Variants in NCKAP5 observed in about 807,000 individuals in gnomAD.
The protein encoded by NCKAP5 is nck-associated protein 5.
In NCKAP5, 92 loss-of-function variants were observed where a neutral mutation model predicts 167.0. The observed-to-expected ratio is 0.55, with a 90% CI of 0.47 to 0.66. The LOEUF (loss-of-function observed/expected upper bound fraction) is 0.66, where lower values mean the gene tolerates loss of function less well. NCKAP5 is among the 30% of genes least tolerant of loss of function. NCKAP5 has a pLI of 0.00. For synonymous variants in NCKAP5, 891 were observed against 877.4 expected, an observed-to-expected ratio of 1.02 and a Z score of -0.27; for missense variants, 2,378 against 2,315.0, an observed-to-expected ratio of 1.03 and a Z score of -0.56.
the NCKAP5 span, among the ~76,000 whole-genome samples, chr2:133,609,602 G>C: frequency 2.6e-5 from 4 of 152,026 alleles, no homozygotes; most frequent in African/African-American, 9.7e-5. Flanking sequence ...GAGCAAAGTT[G>C]AGCTTGTGGC....
At chr2:133,344,302 G>A (rs866992973) in intron 3 of NCKAP5, among the ~76,000 whole-genome samples, 1 of 151,382 alleles carries the variant, frequency 6.6e-6, no homozygotes. Flanking sequence ...CAGCTACCCA[G>A]AAGGCTGAGG....
intron 8 of NCKAP5, among the ~76,000 whole-genome samples, chr2:132,933,874 A>G (rs577262359): frequency 6.6e-6 from 1 of 152,224 alleles, no homozygotes; most frequent in Non-Finnish European, 1.5e-5. Context: ...CTACAACAAT[A>G]GCTCTAATTT....
chr2:133,528,775 T>C (rs896850562), intron 2 of NCKAP5, among the ~76,000 whole-genome samples: 7 of 152,194 alleles, frequency 4.6e-5, no homozygotes, highest in Admixed American at 4.6e-4. Context: ...GTTTAAATGA[T>C]GCCTTCCCGG....
intron 3 of NCKAP5, among the ~76,000 whole-genome samples, chr2:133,360,923 T>G (rs1303413500): frequency 1.3e-5 from 2 of 151,350 alleles, no homozygotes. Context: ...AATACATGGT[T>G]TGAAAGTCTT....
intron 3 of NCKAP5, among the ~76,000 whole-genome samples, chr2:133,507,205 C>A (rs138700154): frequency 5.8e-4 from 88 of 152,308 alleles, no homozygotes; most frequent in Non-Finnish European, 1.1e-3. Context: ...CACTCCATCT[C>A]CAAAAACGGC....
rs114284944 is a variant in NCKAP5 at position 133,144,832 on chromosome 2, G to A, written c.208-14721C>T. On this transcript the variant is annotated intron_variant, in intron 5 of 19. Transcript: ENST00000409261. ...CAGAGTTCCTCCCACTGGAGGGAGA[G>A]CAGAGGCTCTGCAGTCACTCGCTGC... Among the ~76,000 whole-genome samples the A allele has an allele frequency of 7.9e-3, 1,204 of 152,270 alleles. 18 individuals are homozygous for A. The highest frequency in any genetic ancestry group is 0.028 in the African/African-American group (1,146 of 41,560).
At chr2:133,652,808 A>C in the NCKAP5 span, among the ~76,000 whole-genome samples, 2 of 127,294 alleles carry the variant, frequency 1.6e-5, no homozygotes, top group Non-Finnish European at 3.5e-5. Context: ...AGTTTAGTTG[A>C]CTGCATGAAG....
At chr2:133,652,808 A>G in the NCKAP5 span, among the ~76,000 whole-genome samples, 1 of 127,294 alleles carries the variant, frequency 7.9e-6, no homozygotes. Flanking sequence ...AGTTTAGTTG[A>G]CTGCATGAAG....
chr2:133,361,508 G>T (rs917838379), intron 3 of NCKAP5, among the ~76,000 whole-genome samples: 1 of 152,196 alleles, frequency 6.6e-6, no homozygotes, highest in Non-Finnish European at 1.5e-5. Flanking sequence ...AAATGTATTA[G>T]TGAACAACTT....
At chr2:132,690,184 G>T (rs1395669012) in intron 19 of NCKAP5, among the ~76,000 whole-genome samples, 1 of 152,158 alleles carries the variant, frequency 6.6e-6, no homozygotes, top group South Asian at 2.1e-4. Flanking sequence ...GTCTGTGTGG[G>T]TTTTCTCCAG....
chr2:133,605,190 G>T, the NCKAP5 span, among the ~76,000 whole-genome samples: 2 of 152,174 alleles, frequency 1.3e-5, no homozygotes, highest in Non-Finnish European at 2.9e-5. Context: ...TCTTAAGCCT[G>T]ATTCTCTCAG....
Position 132,784,021 on chromosome 2 carries a change from C to T in NCKAP5, c.2790G>A (p.Pro930=), listed in dbSNP as rs368682818. ...PEAGVKSPSP[P]PPPGRSVSLL... ...GGGAGACGGACCTGCCTGGAGGGGG[C>T]GGAGGGGAAGGGGATTTCACCCCTG... The change falls in exon 14 of 20, where the codon CCG becomes CCA. Residue 930 remains proline (P), a synonymous_variant. Transcript: ENST00000409261. The T allele has an allele frequency of 1.5e-4, 234 of 1,563,646 alleles. No homozygotes were observed. Among genetic ancestry groups the T allele is most frequent in the South Asian group, 3.4e-4 (28 of 82,870 alleles).
intron 5 of NCKAP5, among the ~76,000 whole-genome samples, chr2:133,166,020 G>C (rs533700239): frequency 1.3e-5 from 2 of 152,078 alleles, no homozygotes; most frequent in Non-Finnish European, 2.9e-5. Context: ...TGTGGTCTTT[G>C]TTTTCAGGGA....
chr2:133,413,195 G>A (rs1688884441), intron 3 of NCKAP5, among the ~76,000 whole-genome samples: 1 of 152,198 alleles, frequency 6.6e-6, no homozygotes, highest in Non-Finnish European at 1.5e-5. Flanking sequence ...AGGCACATGG[G>A]GACTAGTATG....
At chr2:132,828,781 G>A (rs1347927205) in intron 11 of NCKAP5, among the ~76,000 whole-genome samples, 1 of 152,126 alleles carries the variant, frequency 6.6e-6, no homozygotes, top group East Asian at 1.9e-4. Context: ...GCTTCCACAG[G>A]TAGCTCAGCA....
rs188424330 is a variant in NCKAP5, at chr2:133,169,086, T to C, written c.208-38975A>G. ...TAAGGGGGACTATACAGGAAAAATA[T>C]ACCAGCATCTGTCAGTAGCAGTGAA... On this transcript the variant is annotated intron_variant, in intron 5 of 19. Coordinates refer to ENST00000409261, the MANE Select transcript of NCKAP5 (RefSeq NM_207363.3). Among the ~76,000 whole-genome samples, 3 of 152,334 alleles carry C rather than the reference T, an allele frequency of 2.0e-5. No homozygotes were observed. In the East Asian group the frequency reaches 5.8e-4, roughly 29 times the overall value.
rs112089954 is a variant in NCKAP5 at position 132,750,278 on chromosome 2, T to C, written c.5129-18227A>G. On this transcript the variant is annotated intron_variant, in intron 16 of 19. Transcript: ENST00000409261. ...CTTGACAGAAAATTTGATGAGAAGATGCAACAATCATTTTGACATAAGGCC... is the reference window on the plus strand; with the variant it reads ...CTTGACAGAAAATTTGATGAGAAGACGCAACAATCATTTTGACATAAGGCC... Among the ~76,000 whole-genome samples, 398 of 152,210 alleles carry C rather than the reference T, an allele frequency of 2.6e-3. 1 individual carries two copies. The highest frequency in any genetic ancestry group is 9.3e-3 in the African/African-American group (384 of 41,512).
chr2:133,673,415 T>C, the NCKAP5 span, among the ~76,000 whole-genome samples: 1 of 152,112 alleles, frequency 6.6e-6, no homozygotes, highest in South Asian at 2.1e-4. Flanking sequence ...CGTTCACACA[T>C]GTCTCTGTTG....
chr2:133,440,447 A>T (rs1049144962), intron 3 of NCKAP5, among the ~76,000 whole-genome samples: 1 of 152,140 alleles, frequency 6.6e-6, no homozygotes. Context: ...CCAGTGGCTC[A>T]CACCTGTAAT....
Sources: allele counts gnomAD v4.1 joint callset (sites outside exome capture counted in the v4.1 genomes callset), GRCh38; gene constraint gnomAD v4.1.1; transcripts MANE v1.5; gene names NCBI Gene and HGNC (gene_info 2026-07-23, HGNC 2026-07-21).